Variants in SPTLC1 observed in about 807,000 individuals in gnomAD.
The protein encoded by SPTLC1 is serine palmitoyltransferase 1.
Under a neutral mutation model 68.9 loss-of-function variants are expected in SPTLC1, and 55 were observed. The observed-to-expected ratio is 0.80, with a 90% CI of 0.64 to 1.00. The LOEUF (loss-of-function observed/expected upper bound fraction) is 1.00. Ranked by LOEUF, SPTLC1 falls within the 50% of genes least tolerant of loss-of-function variation. The pLI, the probability that SPTLC1 is intolerant of heterozygous loss-of-function variation, is 0.00. For missense variants in SPTLC1, 449 were observed against 573.1 expected, an observed-to-expected ratio of 0.78 and a Z score of 2.21; for synonymous variants, 197 against 201.6, an observed-to-expected ratio of 0.98 and a Z score of 0.19.
At chr9:92,039,466 G>C (rs1833265979) in intron 12 of SPTLC1, among the ~76,000 whole-genome samples, 1 of 152,030 alleles carries the variant, frequency 6.6e-6, no homozygotes, top group Admixed American at 6.5e-5. Flanking sequence ...TGTCACTCAG[G>C]CTGGCTGCAG....
At chr9:92,085,985 A>G (rs1490155749) in intron 3 of SPTLC1, among the ~76,000 whole-genome samples, 4 of 147,462 alleles carry the variant, frequency 2.7e-5, no homozygotes, top group Non-Finnish European at 6.0e-5. Flanking sequence ...TGATCCCTTT[A>G]CCATTATGTA....
chr9:92,056,809 TGAG>T (rs201306632), intron 7 of SPTLC1, among the ~76,000 whole-genome samples: 3,203 of 152,236 alleles, frequency 0.021, 106 homozygotes, highest in African/African-American at 0.074. Flanking sequence ...AAAAGTTTGT[TGAG>T]GAATAAAAAG....
At chr9:92,092,050 A>C (rs1439974675) in intron 3 of SPTLC1, among the ~76,000 whole-genome samples, 1 of 152,246 alleles carries the variant, frequency 6.6e-6, no homozygotes, top group African/African-American at 2.4e-5. Flanking sequence ...GGTGGGTAAT[A>C]CTGATCTTTA....
At chr9:92,089,386 C>T (rs889613751) in intron 3 of SPTLC1, among the ~76,000 whole-genome samples, 44 of 152,172 alleles carry the variant, frequency 2.9e-4, no homozygotes, top group African/African-American at 7.7e-4. Flanking sequence ...GCACTCCAGC[C>T]TGCTCAGGAA....
At chr9:92,083,209 T>C (rs1342771664) in intron 3 of SPTLC1, among the ~76,000 whole-genome samples, 3 of 152,190 alleles carry the variant, frequency 2.0e-5, no homozygotes, top group Non-Finnish European at 2.9e-5. Flanking sequence ...ACTCTGATGG[T>C]AGTTTCTTTT....
At chr9:92,097,048 T>C (rs528363815) in intron 3 of SPTLC1, among the ~76,000 whole-genome samples, 18 of 152,320 alleles carry the variant, frequency 1.2e-4, no homozygotes, top group Non-Finnish European at 2.2e-4. Flanking sequence ...AATATACAAA[T>C]GGCCAATAAG....
intron 3 of SPTLC1, among the ~76,000 whole-genome samples, chr9:92,087,353 T>C (rs1325065198): frequency 6.6e-6 from 1 of 152,172 alleles, no homozygotes; most frequent in Non-Finnish European, 1.5e-5. Flanking sequence ...TCTGCTCTGT[T>C]TTTTCCCCAT....
rs543415234 is a variant in SPTLC1 at position 92,108,009 on chromosome 9, G to GC, written c.260+730dup. ...AAGACAGTAGTTATCCGTATGAGAG[G>GC]CAAGAGTAAGTGATGGATGTGAAGG... On this transcript the variant is annotated intron_variant, in intron 3 of 14. Transcript: ENST00000262554. 9 of 152,316 alleles carry GC rather than the reference G, an allele frequency of 5.9e-5. No homozygotes were observed. In the South Asian group the frequency reaches 1.9e-3, roughly 32 times the overall value. 9.4% of individuals were successfully genotyped at this position (152,316 alleles called of 1,614,324 possible).
Position 92,050,875 on chromosome 9 carries a change from G to A in SPTLC1, c.781-808C>T, listed in dbSNP as rs1833685023. ...CCACCCAGGCTAGAGTGCAGTGGTA[G>A]GATCATGGCTCACTGCAGCCTTGAC... On this transcript the variant is annotated intron_variant, in intron 8 of 14. Coordinates refer to ENST00000262554, the MANE Select transcript of SPTLC1 (RefSeq NM_006415.4). 2.3e-5 allele frequency: 7 copies of A among 308,046 alleles called. No homozygotes were observed. In the South Asian group the frequency reaches 9.3e-4, roughly 41 times the overall value. The allele number at this position is 308,046 out of a possible 1,614,324, so 19.1% of individuals were successfully genotyped here.
At chr9:92,111,904 C>A (rs1206905619) in intron 2 of SPTLC1, 1 of 154,222 alleles carries the variant, frequency 6.5e-6, no homozygotes, top group East Asian at 1.9e-4. Flanking sequence ...GCACTAACCA[C>A]CCTCGCCTCT....
chr9:92,042,506 C>T (rs1463044003), intron 12 of SPTLC1, among the ~76,000 whole-genome samples: 1 of 152,148 alleles, frequency 6.6e-6, no homozygotes, highest in African/African-American at 2.4e-5. Context: ...AAGACAACCC[C>T]ATTCATAACA....
chr9:92,088,922 T>G (rs79663972), intron 3 of SPTLC1, among the ~76,000 whole-genome samples: 3 of 151,834 alleles, frequency 2.0e-5, no homozygotes, highest in African/African-American at 7.3e-5. Flanking sequence ...CAGAAAGACA[T>G]CTCCACAATC....
chr9:92,101,614 A>G (rs185412168), intron 3 of SPTLC1, among the ~76,000 whole-genome samples: 1,742 of 148,356 alleles, frequency 0.012, 20 homozygotes, highest in Middle Eastern at 0.027. Context: ...AACCAACAGA[A>G]ACCTTAGGAA....
intron 5 of SPTLC1, among the ~76,000 whole-genome samples, chr9:92,069,743 T>C (rs78247031): frequency 0.01 from 1,570 of 152,306 alleles, 37 homozygotes; most frequent in African/African-American, 0.036. Flanking sequence ...CAAAGTATAA[T>C]GGTGCTTCTA....
intron 5 of SPTLC1, among the ~76,000 whole-genome samples, chr9:92,074,333 C>A (rs981920187): frequency 2.6e-5 from 4 of 152,086 alleles, no homozygotes; most frequent in Admixed American, 1.3e-4. Flanking sequence ...CTCCTTTATG[C>A]GCTCCTTCCT....
chr9:92,071,882 G>T (rs1320807693), intron 5 of SPTLC1, among the ~76,000 whole-genome samples: 4 of 152,164 alleles, frequency 2.6e-5, no homozygotes, highest in East Asian at 1.9e-4. Flanking sequence ...TCAACCTCAT[G>T]ACACATGACA....
At position 92,047,191 on chromosome 9, in the gene SPTLC1, G is replaced by A; in HGVS notation, c.1062C>T (p.Asn354=). 1 of 1,613,958 alleles carries A rather than the reference G, an allele frequency of 6.2e-7. No homozygotes were observed. The highest frequency in any genetic ancestry group is 8.5e-7 in the Non-Finnish European group (1 of 1,179,828). Reference sequence around the variant, plus strand: ...TTATACCTGGATTCTCTTCCATGATGTTGAGGGCCTCAATTGCTGCAGCAG... The same window carrying A: ...TTATACCTGGATTCTCTTCCATGATATTGAGGGCCTCAATTGCTGCAGCAG... The part of the protein sequence containing the change: ...LLAAAAIEAL[N]IMEENPGIFA... Residue 354 remains asparagine (N), a synonymous_variant, in exon 11 of 15, where the codon AAC becomes AAT. Coordinates refer to ENST00000262554, the MANE Select transcript of SPTLC1 (RefSeq NM_006415.4).
intron 6 of SPTLC1, among the ~76,000 whole-genome samples, chr9:92,067,615 T>C (rs1834339631): frequency 6.6e-6 from 1 of 152,028 alleles, no homozygotes; most frequent in Non-Finnish European, 1.5e-5. Context: ...ACGGGGTGAA[T>C]GGGTGATGAG....
intron 6 of SPTLC1, among the ~76,000 whole-genome samples, chr9:92,062,778 C>T (rs1469484058): frequency 6.6e-6 from 1 of 152,022 alleles, no homozygotes; most frequent in African/African-American, 2.4e-5. Context: ...CAAGGCCAAC[C>T]AGAGCAAAAT....
Sources: allele counts gnomAD v4.1 joint callset (sites outside exome capture counted in the v4.1 genomes callset), GRCh38; gene constraint gnomAD v4.1.1; transcripts MANE v1.5; gene names NCBI Gene and HGNC (gene_info 2026-07-23, HGNC 2026-07-21).